The following DIS3L2 variants were observed in gnomAD, a reference collection of about 807,000 sequenced individuals.
DIS3L2 encodes the protein DIS3-like exonuclease 2.
In DIS3L2, 34 loss-of-function variants were observed where a neutral mutation model predicts 97.5. The observed-to-expected ratio is 0.35, with a 90% CI of 0.27 to 0.46. The LOEUF (loss-of-function observed/expected upper bound fraction) is 0.46. Ranked by LOEUF, DIS3L2 falls within the 20% of genes least tolerant of loss-of-function variation. DIS3L2 has a pLI of 1.00. For missense variants in DIS3L2, 1,038 were observed against 1,146.0 expected (o/e 0.91, Z 1.36); for synonymous variants, 435 against 445.2 (o/e 0.98, Z 0.29).
intron 1 of DIS3L2, among the ~76,000 whole-genome samples, chr2:231,969,077 C>G (rs1170064463): frequency 2.6e-5 from 4 of 152,144 alleles, no homozygotes; most frequent in African/African-American, 9.7e-5. Flanking sequence ...TTATAGTTTC[C>G]TGAGTCTTTC....
intron 14 of DIS3L2, among the ~76,000 whole-genome samples, chr2:232,314,777 C>T (rs906792026): frequency 2.6e-5 from 4 of 152,214 alleles, no homozygotes; most frequent in African/African-American, 9.7e-5. Context: ...TGGGGAGCCT[C>T]CTGGCGCTGC....
chr2:232,343,564 T>C (rs1303288850), exon 14 of DIS3L2: 1 of 1,572,930 alleles, frequency 6.4e-7, no homozygotes, highest in Non-Finnish European at 8.6e-7. Context: ...GACAACCCAG[T>C]TGCAGATTTG....
intron 1 of DIS3L2, among the ~76,000 whole-genome samples, chr2:231,969,740 T>A (rs1574772732): frequency 6.6e-6 from 1 of 152,232 alleles, no homozygotes; most frequent in East Asian, 1.9e-4. Context: ...AATCCCCAAG[T>A]AACAATGTTA....
rs188581705 is a variant in DIS3L2 at position 232,096,015 on chromosome 2, T to G, written c.601+8294T>G. On this transcript the variant is annotated intron_variant, in intron 6 of 20. Transcript: ENST00000325385. Reference sequence around the variant, plus strand: ...TCTTTTCTTTTCTTTCTTTCTTTTTTTCTGCTTTTAGGATCCTTTCTTTAT... The same window carrying G: ...TCTTTTCTTTTCTTTCTTTCTTTTTGTCTGCTTTTAGGATCCTTTCTTTAT... 1.7e-3 allele frequency among the ~76,000 whole-genome samples: 265 copies of G among 152,026 alleles called. 1 individual carries two copies. The highest frequency in any genetic ancestry group is 0.017 in the Middle Eastern group (5 of 294).
intron 14 of DIS3L2, among the ~76,000 whole-genome samples, chr2:232,318,299 C>CA (rs1207328800): frequency 6.6e-6 from 1 of 152,264 alleles, no homozygotes; most frequent in African/African-American, 2.4e-5. Context: ...GGAAAGTCCT[C>CA]AGAGTTCATG....
chr2:232,223,724 C>G (rs1345148394), intron 10 of DIS3L2, among the ~76,000 whole-genome samples: 1 of 152,144 alleles, frequency 6.6e-6, no homozygotes, highest in Non-Finnish European at 1.5e-5. Context: ...GAGATAATCC[C>G]TGGCACTTAG....
At chr2:232,057,558 C>T (rs1187404129) in intron 5 of DIS3L2, among the ~76,000 whole-genome samples, 1 of 152,092 alleles carries the variant, frequency 6.6e-6, no homozygotes, top group East Asian at 1.9e-4. Context: ...AAGAAACAAA[C>T]TGCCAGGAGT....
chr2:232,199,229 A>G (rs2106204929), intron 9 of DIS3L2, among the ~76,000 whole-genome samples: 1 of 152,350 alleles, frequency 6.6e-6, no homozygotes, highest in East Asian at 1.9e-4. Context: ...TCACAGTTAT[A>G]AACAGTTTAG....
intron 9 of DIS3L2, among the ~76,000 whole-genome samples, chr2:232,188,935 T>C (rs1306065544): frequency 1.3e-5 from 2 of 152,090 alleles, no homozygotes; most frequent in South Asian, 4.1e-4. Flanking sequence ...CTGAAGAGGA[T>C]ATACAAATGG....
intron 6 of DIS3L2, among the ~76,000 whole-genome samples, chr2:232,112,082 T>G (rs1697552018): frequency 6.6e-6 from 1 of 152,234 alleles, no homozygotes; most frequent in Non-Finnish European, 1.5e-5. Flanking sequence ...AAGGCACTGA[T>G]AGACTTCATG....
chr2:232,198,838 C>T (rs570601154), intron 9 of DIS3L2: 5 of 152,348 alleles, frequency 3.3e-5, no homozygotes, highest in East Asian at 3.9e-4. Flanking sequence ...ATAGCCCACG[C>T]GTTACTTCTA....
intron 8 of DIS3L2, among the ~76,000 whole-genome samples, chr2:232,139,940 A>G (rs1237278684): frequency 6.6e-6 from 1 of 152,200 alleles, no homozygotes; most frequent in Admixed American, 6.5e-5. Context: ...GAAATAGGGC[A>G]TGAGGGAGAA....
At position 232,186,798 on chromosome 2, in the gene DIS3L2, CAT is replaced by C. The variant is rs1262224790; in HGVS notation, c.1124+23167_1124+23168del. 9.2e-5 allele frequency among the ~76,000 whole-genome samples: 14 copies of C among 152,242 alleles called. No individual in the cohort carries two copies. The East Asian group carries it at 2.1e-3, about 23-fold the overall frequency. ...CAACATTCAAAACCAATTAATGTATCATGTGTACAAATTAATTTAAAGTGGAT... is the reference window on the plus strand; with the variant it reads ...CAACATTCAAAACCAATTAATGTATCGTGTACAAATTAATTTAAAGTGGAT... On this transcript the variant is annotated intron_variant, in intron 9 of 20. Coordinates refer to ENST00000325385, the MANE Select transcript of DIS3L2 (RefSeq NM_152383.5).
intron 5 of DIS3L2, among the ~76,000 whole-genome samples, chr2:232,074,672 C>T (rs547701371): frequency 1.6e-4 from 23 of 147,210 alleles, no homozygotes; most frequent in Middle Eastern, 3.5e-3. Context: ...GCAGCCTTGA[C>T]TTCCTGGGTC....
intron 10 of DIS3L2, among the ~76,000 whole-genome samples, chr2:232,231,886 G>T (rs376743259): frequency 6.6e-6 from 1 of 152,244 alleles, no homozygotes; most frequent in East Asian, 1.9e-4. Context: ...GGGGGTGAAA[G>T]AGTTGAGAAG....
At chr2:232,307,875 A>G (rs1695027730) in intron 14 of DIS3L2, 1 of 152,280 alleles carries the variant, frequency 6.6e-6, no homozygotes, top group Admixed American at 6.5e-5. Context: ...TCACCTGCCA[A>G]GGCCACAGAG....
intron 9 of DIS3L2, among the ~76,000 whole-genome samples, chr2:232,197,637 G>T (rs1048313406): frequency 6.6e-6 from 1 of 152,044 alleles, no homozygotes; most frequent in Admixed American, 6.6e-5. Context: ...TATTACTTTT[G>T]CCAAAATACA....
rs189537204 is a variant in DIS3L2 at position 232,270,169 on chromosome 2, T to C, written c.1659+6729T>C. Among the ~76,000 whole-genome samples the C allele has an allele frequency of 7.2e-5, 11 of 152,254 alleles. No homozygotes were observed. The East Asian group carries it at 2.1e-3, about 29-fold the overall frequency. The stretch of plus-strand genomic sequence containing the variant: ...GAAGAGAGATGATGATTTCCATAAC[T>C]AGGCCTCTCCGGTCCCCTCTTCTTC... On this transcript the variant is annotated intron_variant, in intron 13 of 20. Transcript: ENST00000325385.
intron 5 of DIS3L2, among the ~76,000 whole-genome samples, chr2:232,049,627 G>A (rs1040266462): frequency 3.3e-5 from 5 of 151,996 alleles, no homozygotes; most frequent in African/African-American, 9.7e-5. Context: ...CTGGACACAG[G>A]GAAAACCTGA....
Sources: allele counts gnomAD v4.1 joint callset (sites outside exome capture counted in the v4.1 genomes callset), GRCh38; gene constraint gnomAD v4.1.1; transcripts MANE v1.5; gene names NCBI Gene and HGNC (gene_info 2026-07-23, HGNC 2026-07-21).